DYRK4: variants seen among roughly 807,000 people sequenced by gnomAD.
The protein encoded by DYRK4 is dual specificity tyrosine-phosphorylation-regulated kinase 4.
In DYRK4, 64 loss-of-function variants were observed where a neutral mutation model predicts 68.3. The ratio of observed to expected loss-of-function variants is 0.94; its 90% CI spans 0.77 to 1.15. DYRK4 has a LOEUF of 1.15. Ranked by LOEUF, DYRK4 falls within the 50% of genes most tolerant of loss-of-function variation. DYRK4 has a pLI of 0.00. For synonymous variants in DYRK4, 274 were observed against 289.9 expected (o/e 0.95, Z 0.56); for missense variants, 740 against 764.7 (o/e 0.97, Z 0.38).
rs58259135 is a variant in DYRK4 at position 4,601,876 on chromosome 12, T to TTGTGTGTGTGTGTG, written c.1126+2110_1126+2123dup. 805 of 157,620 alleles carry TTGTGTGTGTGTGTG rather than the reference T, an allele frequency of 5.1e-3. 6 individuals carry two copies. Among genetic ancestry groups the TTGTGTGTGTGTGTG allele is most frequent in the East Asian group, 0.021 (106 of 5,142 alleles). The allele number at this position is 157,620 out of a possible 1,614,324, so 9.8% of individuals were successfully genotyped here. On this transcript the variant is annotated intron_variant, in intron 10 of 14. Transcript: ENST00000543431. ...CTTAAGTGAGACCAGTCTGTAGGGT[T>TTGTGTGTGTGTGTG]TGTGTGTGTGTGTGTGTGTGTGTGT...
At chr12:4,590,530 G>GAAAAGCACAGT in intron 4 of DYRK4, 90 bp downstream of exon 4, 1 of 1,487,626 alleles carries the variant, frequency 6.7e-7, no homozygotes, top group Non-Finnish European at 8.9e-7. Flanking sequence ...GGATAGTGGG[G>GAAAAGCACAGT]AAAAGCACAG....
intron 2 of DYRK4, 21 bp from the exon 3 acceptor site, chr12:4,588,916 A>G (rs989065943): frequency 4.1e-5 from 63 of 1,534,710 alleles, no homozygotes; most frequent in Non-Finnish European, 5.3e-5. Context: ...CATTGTTCCT[A>G]TTTTCTTCCA....
At chr12:4,602,420 T>C (rs1223984965) in intron 10 of DYRK4, 19 of 984,826 alleles carry the variant, frequency 1.9e-5, no homozygotes, top group Non-Finnish European at 2.8e-5. Context: ...TTGAGGTCAC[T>C]GATGAGATAT....
At chr12:4,576,836 T>A (rs1426571832) in intron 2 of DYRK4, among the ~76,000 whole-genome samples, 1 of 152,222 alleles carries the variant, frequency 6.6e-6, no homozygotes, top group African/African-American at 2.4e-5. Context: ...ATTCAGATAT[T>A]TTGCTAATTT....
chr12:4,574,328 T>C (rs1944764729), intron 2 of DYRK4, among the ~76,000 whole-genome samples: 1 of 152,146 alleles, frequency 6.6e-6, no homozygotes, highest in Non-Finnish European at 1.5e-5. Context: ...ACTACTCTCT[T>C]GAGTTTTACA....
chr12:4,596,115 G>A, intron 6 of DYRK4, 34 bp from the exon 7 acceptor site: 25 of 1,610,502 alleles, frequency 1.6e-5, no homozygotes, highest in Non-Finnish European at 2.0e-5. Flanking sequence ...GGAGCCCATG[G>A]CTTTGCTCTT....
intron 11 of DYRK4, among the ~76,000 whole-genome samples, chr12:4,605,731 T>TTG (rs1369130678): frequency 5.4e-3 from 172 of 32,136 alleles, no homozygotes; most frequent in Middle Eastern, 0.019. Flanking sequence ...AGAGCTGGGT[T>TTG]TTTTTTTTTT....
In DYRK4 at chr12:4,590,906, T is replaced by C. The variant is rs1023287584; in HGVS notation, c.325-254T>C. On this transcript the variant is annotated intron_variant, in intron 4 of 14. Coordinates refer to ENST00000543431, the MANE Select transcript of DYRK4 (RefSeq NM_001394779.1). ...GAAAAACTGTTCCCATCTCTTCCCATAGTGAGATGTTGCTGGGGTTGTCAG... is the reference window on the plus strand; with the variant it reads ...GAAAAACTGTTCCCATCTCTTCCCACAGTGAGATGTTGCTGGGGTTGTCAG... The C allele has an allele frequency of 8.3e-6, 4 of 481,234 alleles. No individual in the cohort carries two copies. The Admixed American group carries it at 1.4e-4, about 17-fold the overall frequency. 29.8% of individuals were successfully genotyped at this position (481,234 alleles called of 1,614,324 possible).
intron 11 of DYRK4, among the ~76,000 whole-genome samples, chr12:4,606,874 C>T (rs998546550): frequency 1.3e-5 from 2 of 152,178 alleles, no homozygotes; most frequent in Non-Finnish European, 1.5e-5. Flanking sequence ...AAAAGATGAA[C>T]AAGTAGGTGC....
chr12:4,579,268 G>T (rs750476517), intron 2 of DYRK4, among the ~76,000 whole-genome samples: 3 of 151,800 alleles, frequency 2.0e-5, no homozygotes, highest in African/African-American at 7.3e-5. Flanking sequence ...GCGAGATGCC[G>T]TCTCAAAATG....
At chr12:4,605,728 GGTTT>G (rs1391285545) in intron 11 of DYRK4, among the ~76,000 whole-genome samples, 12 of 68,906 alleles carry the variant, frequency 1.7e-4, no homozygotes, top group Non-Finnish European at 2.5e-4. Flanking sequence ...AATAGAGCTG[GGTTT>G]TTTTTTTTTT....
rs1215567654 is a variant in DYRK4 at position 4,613,817 on chromosome 12, T to G, written c.*64T>G. 7.1e-7 allele frequency: 1 copy of G among 1,405,242 alleles called. No individual in the cohort carries two copies. Among genetic ancestry groups the G allele is most frequent in the Admixed American group, 2.5e-5 (1 of 39,722 alleles). The allele number at this position is 1,405,242 out of a possible 1,614,324, so 87.0% of individuals were successfully genotyped here. ...ATTTGTATTAAGACAGCACTTATAT[T>G]GTACAATACTTCAGACTGTTTTTTT... On this transcript the variant is annotated 3_prime_UTR_variant, in exon 15 of 15. Transcript: ENST00000543431. This position sits in a 1 kb window ranked among gnomAD's most constrained non-coding sequence, Gnocchi z 4.0.
At position 4,591,423 on chromosome 12, in the gene DYRK4, A is replaced by G; in HGVS notation, c.463+125A>G. 1 of 1,347,490 alleles carries G rather than the reference A, an allele frequency of 7.4e-7. No individual in the cohort carries two copies. Among genetic ancestry groups the G allele is most frequent in the South Asian group, 1.5e-5 (1 of 65,506 alleles). The allele number at this position is 1,347,490 out of a possible 1,614,324, so 83.5% of individuals were successfully genotyped here. A position where few individuals can be genotyped will look rare whatever the true frequency, so the allele number is the denominator to read the frequency against. On this transcript the variant is annotated intron_variant, in intron 5 of 14. Coordinates refer to ENST00000543431, the MANE Select transcript of DYRK4 (RefSeq NM_001394779.1). The surrounding 1 kb of genome is among the most constrained non-coding windows in gnomAD (Gnocchi z 4.1). ...GAGTAGTCAAAGAAGGCAGCCAGCC[A>G]AGAGGAAAGTAGAAGTTAAGCGTTG...
At chr12:4,585,661 G>T (rs1252803008) in intron 2 of DYRK4, among the ~76,000 whole-genome samples, 1 of 152,144 alleles carries the variant, frequency 6.6e-6, no homozygotes, top group Non-Finnish European at 1.5e-5. Flanking sequence ...ATAACATTAG[G>T]AGATATACCT....
intron 2 of DYRK4, among the ~76,000 whole-genome samples, chr12:4,587,014 A>G (rs1217612521): frequency 6.6e-6 from 1 of 152,246 alleles, no homozygotes. Flanking sequence ...TCAAAATGAA[A>G]GAGTGTGATT....
intron 1 of DYRK4, chr12:4,567,238 T>C (rs1284446730): frequency 2.0e-5 from 3 of 152,230 alleles, no homozygotes; most frequent in Non-Finnish European, 2.9e-5. Context: ...GAAGCTGTCA[T>C]AATATTTGCA....
intron 2 of DYRK4, among the ~76,000 whole-genome samples, chr12:4,581,248 G>A (rs1248412670): frequency 6.6e-6 from 1 of 152,060 alleles, no homozygotes; most frequent in African/African-American, 2.4e-5. Context: ...CACTGAAGTG[G>A]GACATGGGAC....
rs141234918 is a variant in DYRK4 at position 4,588,167 on chromosome 12, G to C, written c.133-770G>C. The stretch of plus-strand genomic sequence containing the variant: ...CTGGAAATCTTGGCCTCAAGTGATC[G>C]TCCCACCTCAGCCTCTCAAAGCACT... On this transcript the variant is annotated intron_variant, in intron 2 of 14. Transcript: ENST00000543431. 6.6e-3 allele frequency among the ~76,000 whole-genome samples: 1,002 copies of C among 152,102 alleles called. 7 individuals are homozygous for C. The highest frequency in any genetic ancestry group is 9.2e-3 in the Non-Finnish European group (628 of 68,012).
intron 10 of DYRK4, among the ~76,000 whole-genome samples, chr12:4,604,495 CATGCTCCCTTTCTAACTTGAT>C (rs1475160085): frequency 1.6e-4 from 24 of 152,324 alleles, no homozygotes; most frequent in African/African-American, 5.3e-4. Context: ...ACAGACTTTG[CATGCTCCCTTTCTAACTTGAT>C]ATGCTCCCTT....
Sources: gnomAD v4.1 joint callset for allele counts (sites outside exome capture counted in the v4.1 genomes callset) on GRCh38, gnomAD v4.1.1 for gene constraint, Gnocchi (gnomAD v3.1) non-coding constraint, MANE v1.5 for transcripts, NCBI Gene and HGNC (gene_info 2026-07-23, HGNC 2026-07-21) for gene names.